Variants in PLCB4 observed in about 807,000 individuals in gnomAD.
The protein encoded by PLCB4 is 1-phosphatidylinositol 4,5-bisphosphate phosphodiesterase beta-4.
A neutral mutation model predicts 178.8 loss-of-function variants in PLCB4; 77 were observed. The ratio of observed to expected loss-of-function variants is 0.43; its 90% CI spans 0.36 to 0.52. The LOEUF (loss-of-function observed/expected upper bound fraction) is 0.52. Ranked by LOEUF, PLCB4 falls within the 20% of genes least tolerant of loss-of-function variation. The pLI, the probability that PLCB4 is intolerant of heterozygous loss-of-function variation, is 0.00. For synonymous variants in PLCB4, 496 were observed against 490.8 expected, an observed-to-expected ratio of 1.01 and a Z score of -0.14; for missense variants, 1,024 against 1,453.4, an observed-to-expected ratio of 0.70 and a Z score of 4.80.
intron 2 of PLCB4, among the ~76,000 whole-genome samples, chr20:9,165,793 T>TTGTGTGTGTGTGTG (rs3036061): frequency 6.4e-4 from 89 of 139,748 alleles, no homozygotes; most frequent in African/African-American, 2.2e-3. Context: ...CTGGGGCTGT[T>TTGTGTGTGTGTGTG]TGTGTGTGTG....
chr20:9,086,665 T>C (rs2090436946), intron 1 of PLCB4, among the ~76,000 whole-genome samples: 1 of 152,108 alleles, frequency 6.6e-6, no homozygotes, highest in Admixed American at 6.5e-5. Context: ...TTCCCCTCCT[T>C]CCAAGGCTGT....
Position 9,402,137 on chromosome 20 carries a change from A to G in PLCB4, c.1611+547A>G, listed in dbSNP as rs142666606. Among the ~76,000 whole-genome samples, 97 of 152,388 alleles carry G rather than the reference A, an allele frequency of 6.4e-4. 2 individuals carry two copies. The highest frequency in any genetic ancestry group is 2.3e-3 in the African/African-American group (94 of 41,600). Reference sequence around the variant, plus strand: ...CTTGCCTTCTGCCCTTAGGCAGCTCATGGCCCCCTGTAGTTTAGGGAAAGG... The same window carrying G: ...CTTGCCTTCTGCCCTTAGGCAGCTCGTGGCCCCCTGTAGTTTAGGGAAAGG... On this transcript the variant is annotated intron_variant, in intron 20 of 39. Transcript: ENST00000378473.
chr20:9,407,874 A>G (rs2039563045), intron 21 of PLCB4, 43 bp from the exon 22 acceptor site: 1 of 1,575,034 alleles, frequency 6.3e-7, no homozygotes, highest in African/African-American at 1.4e-5. Flanking sequence ...CGTGGGTCCT[A>G]CTGAAGTCAT....
intron 3 of PLCB4, among the ~76,000 whole-genome samples, chr20:9,250,491 A>G (rs1166067334): frequency 6.6e-6 from 1 of 152,214 alleles, no homozygotes; most frequent in Non-Finnish European, 1.5e-5. Flanking sequence ...TGAGTTATAT[A>G]TTTTACTCCC....
chr20:9,421,379 T>C lies in PLCB4; in HGVS notation c.2237T>C (p.Ile746Thr). ...VDMYGLPTDT[I>T]RKEFRTRMVM... Reference sequence around the variant, plus strand: ...ATGTATGGGTTGCCCACTGACACCATACGTAAGGAATTCCGAACTCGCATG... The same window carrying C: ...ATGTATGGGTTGCCCACTGACACCACACGTAAGGAATTCCGAACTCGCATG... The change falls in exon 27 of 40, where the codon ATA becomes ACA. Residue 746 changes from isoleucine (I) to threonine (T), a missense_variant. Ile to Thr is a moderately conservative substitution (Grantham distance 89). This residue lies in a region of PLCB4 where 227 missense variants were observed against 374.3 expected (regional missense o/e 0.61). Coordinates refer to ENST00000378473, the MANE Select transcript of PLCB4 (RefSeq NM_001377142.1). The C allele has an allele frequency of 6.2e-7, 1 of 1,613,758 alleles. No individual in the cohort carries two copies. The highest frequency in any genetic ancestry group is 8.5e-7 in the Non-Finnish European group (1 of 1,179,694).
At chr20:9,301,963 C>T (rs2094710173) in intron 3 of PLCB4, among the ~76,000 whole-genome samples, 1 of 151,916 alleles carries the variant, frequency 6.6e-6, no homozygotes, top group South Asian at 2.1e-4. Context: ...TTCAGGCTGT[C>T]TATTCTTTGA....
intron 3 of PLCB4, among the ~76,000 whole-genome samples, chr20:9,256,106 G>T (rs1325247124): frequency 6.6e-6 from 1 of 152,164 alleles, no homozygotes; most frequent in African/African-American, 2.4e-5. Context: ...ACATATGTCT[G>T]GAGGGGCAAC....
intron 2 of PLCB4, among the ~76,000 whole-genome samples, chr20:9,102,160 G>C (rs1333909020): frequency 6.6e-6 from 1 of 152,072 alleles, no homozygotes; most frequent in Non-Finnish European, 1.5e-5. Flanking sequence ...TCAGAGTTCT[G>C]AGTGAGTTTT....
chr20:9,087,754 T>C (rs2090499045), intron 1 of PLCB4, among the ~76,000 whole-genome samples: 1 of 152,238 alleles, frequency 6.6e-6, no homozygotes, highest in South Asian at 2.1e-4. Context: ...CAGTTCTTTC[T>C]CATACACACC....
rs752272546 is a variant in PLCB4 at position 9,409,021 on chromosome 20, G to A, written c.1875-36G>A. The A allele has an allele frequency of 4.1e-5, 65 of 1,597,222 alleles. 2 individuals are homozygous for A. The South Asian group carries it at 6.3e-4, about 15-fold the overall frequency. ...TTGTTGTTTATTTTTCTCTGCTGTAGGACTCTTTTTTTCTGTTTTCCTTAA... is the reference window on the plus strand; with the variant it reads ...TTGTTGTTTATTTTTCTCTGCTGTAAGACTCTTTTTTTCTGTTTTCCTTAA... On this transcript the variant is annotated intron_variant, in intron 23 of 39. Coordinates refer to ENST00000378473, the MANE Select transcript of PLCB4 (RefSeq NM_001377142.1).
At position 9,446,816 on chromosome 20, in the gene PLCB4, G is replaced by A. The variant is rs562434190; in HGVS notation, c.2880+2573G>A. Among the ~76,000 whole-genome samples, 10 of 152,342 alleles carry A rather than the reference G, an allele frequency of 6.6e-5. No homozygotes were observed. In the East Asian group the frequency reaches 1.9e-3, roughly 29 times the overall value. On this transcript the variant is annotated intron_variant, in intron 32 of 39. Transcript: ENST00000378473. ...GAATCACTTGAACCCAGGAGGCGGA[G>A]GTTGCAGTGAGCTGAGATTGTGCCA...
intron 19 of PLCB4, among the ~76,000 whole-genome samples, chr20:9,398,291 A>G (rs1211424681): frequency 2.0e-5 from 3 of 152,226 alleles, no homozygotes; most frequent in Non-Finnish European, 2.9e-5. Flanking sequence ...AAGAGCACAG[A>G]GGAGGGCAGA....
intron 7 of PLCB4, among the ~76,000 whole-genome samples, chr20:9,359,268 G>C (rs890596144): frequency 1.3e-5 from 2 of 152,102 alleles, no homozygotes; most frequent in Non-Finnish European, 2.9e-5. Flanking sequence ...ACATATGCCT[G>C]GAAGTTGGAC....
At chr20:9,391,692 A>G (rs1411370744) in intron 17 of PLCB4, among the ~76,000 whole-genome samples, 1 of 152,130 alleles carries the variant, frequency 6.6e-6, no homozygotes, top group African/African-American at 2.4e-5. Context: ...CACTGGCCTG[A>G]CTTTCCACTG....
chr20:9,075,567 C>T (rs1240971993), intron 1 of PLCB4, among the ~76,000 whole-genome samples: 9 of 152,222 alleles, frequency 5.9e-5, no homozygotes, highest in Non-Finnish European at 4.4e-5. Flanking sequence ...GTGGTGTACT[C>T]TGATTCCTCT....
chr20:9,437,429 ATTTG>A (rs1412330769), intron 30 of PLCB4, among the ~76,000 whole-genome samples: 1 of 152,180 alleles, frequency 6.6e-6, no homozygotes, highest in Non-Finnish European at 1.5e-5. Flanking sequence ...AAACATGATT[ATTTG>A]TTTGTAAAAT....
At chr20:9,154,908 CTT>C in intron 2 of PLCB4, among the ~76,000 whole-genome samples, 1 of 68,678 alleles carries the variant, frequency 1.5e-5, no homozygotes, top group Admixed American at 1.3e-4. Context: ...TCCTTCCCTC[CTT>C]CCTTCCTTCC....
At chr20:9,269,944 T>C (rs2094386387) in intron 3 of PLCB4, among the ~76,000 whole-genome samples, 1 of 152,110 alleles carries the variant, frequency 6.6e-6, no homozygotes, top group African/African-American at 2.4e-5. Flanking sequence ...TTCTAACTGG[T>C]GAAACTCAGA....
intron 12 of PLCB4, among the ~76,000 whole-genome samples, chr20:9,374,882 T>C (rs2299673): frequency 0.088 from 13,463 of 152,204 alleles, 1,425 homozygotes; most frequent in African/African-American, 0.24. Flanking sequence ...ATTTATTATT[T>C]GTCAACCTTT....
Sources: gnomAD v4.1 joint callset for allele counts (sites outside exome capture counted in the v4.1 genomes callset) on GRCh38, gnomAD v4.1.1 for gene constraint, gnomAD v4.1.1 regional missense constraint, MANE v1.5 for transcripts, NCBI Gene and HGNC (gene_info 2026-07-23, HGNC 2026-07-21) for gene names.